Variants in PFKM observed in about 807,000 individuals in gnomAD.
PFKM encodes the protein phosphofructokinase, muscle.
PFKM carries 58 observed loss-of-function variants against 95.5 expected under a neutral mutation model. The observed-to-expected ratio is 0.61, with a 90% CI of 0.49 to 0.76. The LOEUF (loss-of-function observed/expected upper bound fraction) is 0.76. Ranked by LOEUF, PFKM falls within the 30% of genes least tolerant of loss-of-function variation. The probability of loss-of-function intolerance (pLI) is 0.00; values close to 1 mark genes in which losing one functional copy is unlikely to be tolerated. For missense variants in PFKM, 678 were observed against 1,005.4 expected, an observed-to-expected ratio of 0.67 and a Z score of 4.40; for synonymous variants, 336 against 357.2, an observed-to-expected ratio of 0.94 and a Z score of 0.67.
At chr12:48,106,068 G>A (rs377385692) in exon 1 of PFKM, 13 of 702,432 alleles carry the variant, frequency 1.9e-5, no homozygotes, top group South Asian at 1.5e-4. Flanking sequence ...TTTCCGGCCG[G>A]GCGCGGAACG....
chr12:48,141,266 C>A, intron 14 of PFKM, 45 bp from the exon 15 acceptor site: 1 of 1,566,908 alleles, frequency 6.4e-7, no homozygotes, highest in Non-Finnish European at 8.8e-7. Context: ...CACAGGCCTC[C>A]TAGTGCTTTA....
At chr12:48,144,949 T>G in intron 20 of PFKM, 82 bp from the exon 21 acceptor site, 1 of 1,011,522 alleles carries the variant, frequency 9.9e-7, no homozygotes, top group Non-Finnish European at 1.6e-6. Flanking sequence ...GGCCCATCTT[T>G]CTTTTTTTCT....
upstream of PFKM, among the ~76,000 whole-genome samples, chr12:48,117,025 C>T (rs916761893): frequency 2.6e-5 from 4 of 152,180 alleles, no homozygotes; most frequent in African/African-American, 4.8e-5. Flanking sequence ...CTATTAATCT[C>T]TCCTTCTCTA....
chr12:48,138,210 G>A (rs1351682391), intron 11 of PFKM, among the ~76,000 whole-genome samples: 2 of 152,132 alleles, frequency 1.3e-5, no homozygotes, highest in Non-Finnish European at 2.9e-5. Flanking sequence ...AATTCTAGCT[G>A]GGTAGCTTTT....
intron 1 of PFKM, chr12:48,106,316 G>C: frequency 1.7e-6 from 1 of 584,184 alleles, no homozygotes; most frequent in Non-Finnish European, 3.0e-6. Context: ...AATACTGTTA[G>C]TGAGCCCTTC....
At chr12:48,136,248 T>A (rs1227485585) in intron 10 of PFKM, among the ~76,000 whole-genome samples, 2 of 152,204 alleles carry the variant, frequency 1.3e-5, no homozygotes, top group Non-Finnish European at 2.9e-5. Flanking sequence ...TAATTTTTAA[T>A]CTTATGTATA....
At chr12:48,133,281 A>C in intron 5 of PFKM, 34 bp from the exon 6 acceptor site, 1 of 1,592,730 alleles carries the variant, frequency 6.3e-7, no homozygotes, top group South Asian at 1.1e-5. Context: ...CAGGTGCCTC[A>C]CCCAGTGGCT....
At chr12:48,105,407 G>C (rs565431650), upstream of PFKM, 2 of 518,940 alleles carry the variant, frequency 3.9e-6, no homozygotes, top group African/African-American at 3.8e-5. Context: ...ATTACCAGGA[G>C]GCGATGAGCC....
upstream of PFKM, chr12:48,105,908 C>T (rs1946528101): frequency 3.1e-6 from 2 of 638,520 alleles, no homozygotes; most frequent in Non-Finnish European, 5.7e-6. Context: ...AGGCGCCGGC[C>T]CCACAGTGCT....
upstream of PFKM, chr12:48,118,576 AG>A: frequency 1.4e-6 from 2 of 1,465,932 alleles, no homozygotes; most frequent in Non-Finnish European, 9.2e-7. Context: ...AGCAAAGGGA[AG>A]GTGAGACTTG....
intron 1 of PFKM, among the ~76,000 whole-genome samples, chr12:48,107,208 A>G (rs749713139): frequency 1.2e-4 from 19 of 152,144 alleles, no homozygotes; most frequent in Non-Finnish European, 2.5e-4. Flanking sequence ...AAATACATCA[A>G]AGTAGATTAT....
exon 1 of PFKM, chr12:48,106,046 C>T (rs1946554032): frequency 1.4e-6 from 1 of 702,058 alleles, no homozygotes; most frequent in Non-Finnish European, 2.6e-6. Context: ...AACCGGCTGC[C>T]ATGCGAAGGG....
intron 2 of PFKM, among the ~76,000 whole-genome samples, chr12:48,129,210 CTTTTTTTTTTTTT>C (rs778761447): frequency 8.2e-4 from 18 of 21,998 alleles, no homozygotes; most frequent in East Asian, 2.2e-3. Context: ...AATTTTCTTT[CTTTTTTTTTTTTT>C]TTTTTTTTTT....
chr12:48,115,383 A>T (rs979375853), upstream of PFKM, among the ~76,000 whole-genome samples: 3 of 152,176 alleles, frequency 2.0e-5, no homozygotes, highest in Admixed American at 6.5e-5. Flanking sequence ...ATTAGTTCTT[A>T]TAGGTTTTAG....
chr12:48,132,280 G>A, intron 4 of PFKM: 1 of 332,354 alleles, frequency 3.0e-6, no homozygotes, highest in South Asian at 2.4e-5. Context: ...CTCTCTTGGG[G>A]TATCTATAAG....
chr12:48,133,201 T>G, intron 5 of PFKM, 114 bp from the exon 6 acceptor site: 1 of 1,281,784 alleles, frequency 7.8e-7, no homozygotes, highest in Non-Finnish European at 1.1e-6. Context: ...GCCCTCCTTT[T>G]TCTGGTATTG....
chr12:48,121,198 G>A (rs562342221), intron 1 of PFKM, among the ~76,000 whole-genome samples: 1 of 152,320 alleles, frequency 6.6e-6, no homozygotes, highest in South Asian at 2.1e-4. Flanking sequence ...TTAAATGATG[G>A]AATGGGATGT....
At chr12:48,123,143 G>C (rs1280112941) in intron 2 of PFKM, among the ~76,000 whole-genome samples, 1 of 152,154 alleles carries the variant, frequency 6.6e-6, no homozygotes, top group African/African-American at 2.4e-5. Context: ...GCATTGGAAA[G>C]AAACTAAAGA....
At position 48,141,856 on chromosome 12, in the gene PFKM, C is replaced by T. The variant is rs138256599; in HGVS notation, c.1500+29C>T. The T allele has an allele frequency of 1.6e-3, 2,563 of 1,612,926 alleles. 9 individuals are homozygous for T. Among genetic ancestry groups the T allele is most frequent in the Middle Eastern group, 6.6e-3 (40 of 6,062 alleles). On this transcript the variant is annotated intron_variant, in intron 16 of 22. Coordinates refer to ENST00000359794, the MANE Select transcript of PFKM (RefSeq NM_000289.6). ...AGTGCCTGCCACCATTTCTTCCTCT[C>T]TCCCTCCTACCTCCTCTCCCTCTCC... is the stretch of plus-strand genomic sequence containing the variant.
Sources: gnomAD v4.1 joint callset for allele counts (sites outside exome capture counted in the v4.1 genomes callset) on GRCh38, gnomAD v4.1.1 for gene constraint, MANE v1.5 for transcripts, NCBI Gene and HGNC (gene_info 2026-07-23, HGNC 2026-07-21) for gene names.